LYST: variants seen among roughly 807,000 people sequenced by gnomAD.
The protein encoded by LYST is lysosomal-trafficking regulator.
Under a neutral mutation model 413.6 loss-of-function variants are expected in LYST, and 192 were observed. The observed-to-expected ratio is 0.46, with a 90% CI of 0.41 to 0.52. The LOEUF (loss-of-function observed/expected upper bound fraction) is 0.52, where lower values mean the gene tolerates loss of function less well. LYST is among the 20% of genes least tolerant of loss of function. The pLI, the probability that LYST is intolerant of heterozygous loss-of-function variation, is 0.00. For synonymous variants in LYST, 1,525 were observed against 1,567.3 expected (o/e 0.97, Z 0.64); for missense variants, 3,815 against 4,499.9 (o/e 0.85, Z 4.35).
chr1:235,761,527 T>C (rs1398423106), intron 22 of LYST, among the ~76,000 whole-genome samples: 1 of 152,198 alleles, frequency 6.6e-6, no homozygotes, highest in African/African-American at 2.4e-5. Context: ...GAAGAGGGTA[T>C]TGATTCTGAA....
chr1:235,738,205 G>T (rs1356620222), intron 31 of LYST: 1 of 1,610,350 alleles, frequency 6.2e-7, no homozygotes, highest in Non-Finnish European at 8.5e-7. Flanking sequence ...CACCATGGCA[G>T]CCTTTTCCTT....
intron 1 of LYST, among the ~76,000 whole-genome samples, chr1:235,836,099 CATAT>C (rs1676542522): frequency 6.6e-6 from 1 of 152,284 alleles, no homozygotes; most frequent in South Asian, 2.1e-4. Flanking sequence ...ACTTTTTCCT[CATAT>C]AGTGACTGGT....
chr1:235,830,300 C>A lies in LYST; in HGVS notation c.118G>T (p.Ala40Ser). 1.9e-6 allele frequency: 3 copies of A among 1,613,978 alleles called. No homozygotes were observed. Among genetic ancestry groups the A allele is most frequent in the Non-Finnish European group, 2.5e-6 (3 of 1,179,880 alleles). Residue 40 changes from alanine to serine, a missense_variant, in exon 3 of 53, where the codon GCA (alanine) becomes TCA (serine). Ala to Ser is a moderately conservative substitution (Grantham distance 99). Transcript: ENST00000389793. ...REEEEEETHM[A>S]TLGQYLVHGR... The stretch of plus-strand genomic sequence containing the variant: ...TGGACAAGGTACTGTCCAAGGGTTG[C>A]CATGTGCGTCTCCTCCTCTTCTTCC...
intron 12 of LYST, among the ~76,000 whole-genome samples, chr1:235,790,869 A>T (rs1670906917): frequency 6.6e-6 from 1 of 152,196 alleles, no homozygotes; most frequent in South Asian, 2.1e-4. Flanking sequence ...ACATTCTGTG[A>T]CAGGAACTAG....
chr1:235,775,797 G>A (rs1406415645), intron 17 of LYST, among the ~76,000 whole-genome samples: 1 of 152,114 alleles, frequency 6.6e-6, no homozygotes, highest in African/African-American at 2.4e-5. Flanking sequence ...AGTACATCTA[G>A]GAAGCTGCAG....
chr1:235,800,105 C>T (rs924579027), intron 10 of LYST, among the ~76,000 whole-genome samples: 1 of 150,894 alleles, frequency 6.6e-6, no homozygotes. Flanking sequence ...CACAGACATG[C>T]ACCACCACAC....
chr1:235,691,004 C>T (rs1660605691), intron 47 of LYST, among the ~76,000 whole-genome samples: 1 of 152,026 alleles, frequency 6.6e-6, no homozygotes, highest in African/African-American at 2.4e-5. Context: ...GCAAGCTCCG[C>T]CTCCCGGGTT....
At chr1:235,753,003 T>C (rs1666655848) in intron 26 of LYST, 41 bp downstream of exon 26, 1 of 1,095,668 alleles carries the variant, frequency 9.1e-7, no homozygotes, top group East Asian at 2.6e-5. Flanking sequence ...TGTTCTAAAG[T>C]ATTTATCAGA....
chr1:235,821,564 T>C (rs781396586), intron 3 of LYST, among the ~76,000 whole-genome samples: 18 of 152,260 alleles, frequency 1.2e-4, no homozygotes, highest in Non-Finnish European at 2.4e-4. Context: ...AGGATAGTTA[T>C]ATGTACTGTT....
chr1:235,870,941 T>C (rs1680896949), upstream of LYST, among the ~76,000 whole-genome samples: 1 of 152,222 alleles, frequency 6.6e-6, no homozygotes, highest in South Asian at 2.1e-4. Context: ...TGTGAAGTGG[T>C]AGAGGAATAC....
At chr1:235,876,581 C>T (rs773278620) in intron 1 of LYST, among the ~76,000 whole-genome samples, 1 of 152,186 alleles carries the variant, frequency 6.6e-6, no homozygotes, top group African/African-American at 2.4e-5. Context: ...TATTATTATA[C>T]TTGGGGAGAT....
intron 12 of LYST, among the ~76,000 whole-genome samples, chr1:235,789,137 T>C (rs1670736695): frequency 1.3e-5 from 2 of 152,310 alleles, no homozygotes; most frequent in South Asian, 4.1e-4. Context: ...TGTGACAACC[T>C]ATTACAATGT....
chr1:235,759,557 T>A lies in LYST; in HGVS notation c.6296A>T (p.His2099Leu). 1 of 1,613,692 alleles carries A rather than the reference T, an allele frequency of 6.2e-7. No individual in the cohort carries two copies. The highest frequency in any genetic ancestry group is 8.5e-7 in the Non-Finnish European group (1 of 1,179,644). ...TGGTAGGCTTCTAGAACGCAGCATA[T>A]GGGCGGCCATCTGTTGTGGAATAAT... ...SNIIPQQMAA[H>L]MLRSRSLPAF... The change falls in exon 23 of 53, where the codon CAT (histidine) becomes CTT (leucine). Residue 2099 changes from histidine to leucine, a missense_variant. Coordinates refer to ENST00000389793, the MANE Select transcript of LYST (RefSeq NM_000081.4).
intron 1 of LYST, among the ~76,000 whole-genome samples, chr1:235,852,606 T>A (rs1188504302): frequency 6.6e-6 from 1 of 152,220 alleles, no homozygotes; most frequent in Non-Finnish European, 1.5e-5. Flanking sequence ...AACACAGTCA[T>A]ATGTAAGACG....
intron 8 of LYST, among the ~76,000 whole-genome samples, chr1:235,802,209 A>G (rs1180999268): frequency 6.6e-6 from 1 of 150,726 alleles, no homozygotes; most frequent in African/African-American, 2.4e-5. Flanking sequence ...AAAAAAAAAA[A>G]AAAAAAAAAA....
At chr1:235,705,792 C>G (rs1460839057) in intron 44 of LYST, among the ~76,000 whole-genome samples, 1 of 151,392 alleles carries the variant, frequency 6.6e-6, no homozygotes, top group Non-Finnish European at 1.5e-5. Flanking sequence ...CCTAATTGCT[C>G]TTTTTATTTT....
At chr1:235,845,268 C>G (rs903100800) in intron 1 of LYST, among the ~76,000 whole-genome samples, 23 of 152,156 alleles carry the variant, frequency 1.5e-4, no homozygotes, top group African/African-American at 5.6e-4. Flanking sequence ...CTTACCTGAG[C>G]TGAATCAAGT....
intron 16 of LYST, among the ~76,000 whole-genome samples, chr1:235,779,413 T>C (rs1374082057): frequency 1.3e-5 from 2 of 152,202 alleles, no homozygotes; most frequent in African/African-American, 4.8e-5. Flanking sequence ...GTTAAAGTTA[T>C]TACTTGAACA....
intron 1 of LYST, among the ~76,000 whole-genome samples, chr1:235,875,178 C>A (rs1428206472): frequency 6.6e-6 from 1 of 152,130 alleles, no homozygotes; most frequent in Non-Finnish European, 1.5e-5. Context: ...GTGAAAGAGT[C>A]AATGCCACAA....
Sources: gnomAD v4.1 joint callset for allele counts (sites outside exome capture counted in the v4.1 genomes callset) on GRCh38, gnomAD v4.1.1 for gene constraint, MANE v1.5 for transcripts, NCBI Gene and HGNC (gene_info 2026-07-23, HGNC 2026-07-21) for gene names.